The following NSD3 variants were observed in gnomAD, a reference collection of about 807,000 sequenced individuals.
The protein encoded by NSD3 is nuclear receptor binding SET domain protein 3, also known as histone-lysine N-methyltransferase NSD3.
NSD3 carries 24 observed loss-of-function variants against 160.8 expected under a neutral mutation model. The observed-to-expected ratio is 0.15, with a 90% confidence interval of 0.11 to 0.21. NSD3 has a LOEUF of 0.21. Among genes scored for constraint, NSD3 ranks in the 10% least tolerant of loss-of-function variants. The pLI is 1.00. For synonymous variants in NSD3, 520 were observed against 600.0 expected (o/e 0.87, Z 1.95); for missense variants, 1,157 against 1,735.9 (o/e 0.67, Z 5.93).
At position 38,276,478 on chromosome 8, in the gene NSD3, T is replaced by C. The variant is rs2130979744; in HGVS notation, c.3890A>G (p.Glu1297Gly). Residue 1297 changes from glutamate to glycine, a missense_variant, in exon 23 of 24, where the codon GAA (glutamate) becomes GGA (glycine). This residue lies in a region of NSD3 where 222 missense variants were observed against 409.9 expected (regional missense o/e 0.54). Coordinates refer to ENST00000317025, the MANE Select transcript of NSD3 (RefSeq NM_023034.2). ...TAACTTAGCATTTTTTGCCTTCTCTTCATTTGTTGACGCACATGCCGACTG... is the reference window on the plus strand; with the variant it reads ...TAACTTAGCATTTTTTGCCTTCTCTCCATTTGTTGACGCACATGCCGACTG... Reference protein sequence around the residue: ...RPKSACASTNEEKAKNAKLKQ... With the variant: ...RPKSACASTNGEKAKNAKLKQ... The C allele has an allele frequency of 6.2e-7, 1 of 1,614,240 alleles. No homozygotes were observed. Among genetic ancestry groups the C allele is most frequent in the South Asian group, 1.1e-5 (1 of 91,086 alleles).
chr8:38,315,550 T>G lies in NSD3; in HGVS notation c.1987-6A>C, dbSNP rs984140837. ...ACTTGCTTTCCAAAGCCTACCTACA[T>G]AGAAAACATAGCATTTTTAAGAAAA... On this transcript the variant is annotated splice_polypyrimidine_tract_variant and splice_region_variant and intron_variant, in intron 10 of 23. Transcript: ENST00000317025. The G allele has an allele frequency of 1.9e-6, 3 of 1,612,238 alleles. No individual in the cohort carries two copies. The highest frequency in any genetic ancestry group is 2.5e-6 in the Non-Finnish European group (3 of 1,179,538).
chr8:38,317,828 A>C lies in NSD3; in HGVS notation c.1855+1067T>G. On this transcript the variant is annotated intron_variant, in intron 9 of 23. Transcript: ENST00000317025. The surrounding 1 kb of genome is among the most constrained non-coding windows in gnomAD (Gnocchi z 5.3). ...TCTTGAAGAAGAAACCAGGCAGGAA[A>C]ATGCCAATAATGATGATTGGCGAAA... 6.7e-7 allele frequency: 1 copy of C among 1,489,350 alleles called. No homozygotes were observed. The highest frequency in any genetic ancestry group is 8.9e-7 in the Non-Finnish European group (1 of 1,121,084). The allele number at this position is 1,489,350 out of a possible 1,614,324, so 92.3% of individuals were successfully genotyped here. A position where few individuals can be genotyped will look rare whatever the true frequency, so the allele number is the denominator to read the frequency against.
At chr8:38,278,173 C>T (rs547635163) in intron 22 of NSD3, 133 bp downstream of exon 22, 213 of 594,456 alleles carry the variant, frequency 3.6e-4, no homozygotes, top group Non-Finnish European at 5.0e-4. Flanking sequence ...CTCCTGACCT[C>T]GTGATCTGCC....
intron 1 of NSD3, among the ~76,000 whole-genome samples, chr8:38,375,604 A>G (rs1035823279): frequency 1.3e-5 from 2 of 152,098 alleles, no homozygotes; most frequent in African/African-American, 4.8e-5. Context: ...AGGTTAGATA[A>G]TGTTAGTATA....
intron 17 of NSD3, 139 bp downstream of exon 17, chr8:38,290,336 G>T: frequency 1.2e-6 from 1 of 849,808 alleles, no homozygotes; most frequent in Non-Finnish European, 1.9e-6. Context: ...GTTCTAATGT[G>T]ACTGGAAGCT....
At chr8:38,377,196 G>A (rs1011502506) in intron 1 of NSD3, among the ~76,000 whole-genome samples, 1 of 152,102 alleles carries the variant, frequency 6.6e-6, no homozygotes, top group African/African-American at 2.4e-5. Flanking sequence ...GGGATTACAG[G>A]CACGCACCAC....
At chr8:38,363,131 G>A (rs752506574) in intron 1 of NSD3, among the ~76,000 whole-genome samples, 4 of 152,196 alleles carry the variant, frequency 2.6e-5, no homozygotes, top group East Asian at 1.9e-4. Flanking sequence ...AAGGTACTGC[G>A]TACTTCTACA....
chr8:38,329,441 C>G lies in NSD3; in HGVS notation c.1518G>C (p.Val506=). The part of the protein sequence containing the change: ...NMSPVVKIEQ[V]FALQNATGDG... Reference sequence around the variant, plus strand: ...CCCCTGTAGCATTCTGAAGAGCAAACACTTGTTCAATTTTCACAACTGGAG... The same window carrying G: ...CCCCTGTAGCATTCTGAAGAGCAAAGACTTGTTCAATTTTCACAACTGGAG... The change falls in exon 6 of 24, where the codon GTG becomes GTC. Residue 506 remains valine, a synonymous_variant. Coordinates refer to ENST00000317025, the MANE Select transcript of NSD3 (RefSeq NM_023034.2). The surrounding 1 kb of genome is among the most constrained non-coding windows in gnomAD (Gnocchi z 4.8). 1 of 1,614,202 alleles carries G rather than the reference C, an allele frequency of 6.2e-7. No homozygotes were observed. Among genetic ancestry groups the G allele is most frequent in the South Asian group, 1.1e-5 (1 of 91,086 alleles).
At chr8:38,331,651 G>T in intron 4 of NSD3, 66 bp from the exon 5 acceptor site, 2 of 1,556,572 alleles carry the variant, frequency 1.3e-6, no homozygotes, top group Non-Finnish European at 8.7e-7. Flanking sequence ...TGCCAAAAAT[G>T]GGAATCTAAC....
chr8:38,305,575 A>C, intron 12 of NSD3, 130 bp from the exon 13 acceptor site: 1 of 726,136 alleles, frequency 1.4e-6, no homozygotes, highest in East Asian at 3.0e-5. Context: ...TTAATGCACA[A>C]AAAAAATTTA....
intron 1 of NSD3, among the ~76,000 whole-genome samples, chr8:38,363,136 T>C (rs1001825877): frequency 6.6e-6 from 1 of 152,232 alleles, no homozygotes; most frequent in Non-Finnish European, 1.5e-5. Context: ...ACTGCGTACT[T>C]CTACATCTTG....
In NSD3 at chr8:38,270,900, A is replaced by G. The variant is rs1808446430; in HGVS notation, c.*4741T>C. The G allele has an allele frequency of 6.6e-6, 1 of 152,232 alleles. No homozygotes were observed. The highest frequency in any genetic ancestry group is 1.5e-5 in the Non-Finnish European group (1 of 68,046). The allele number at this position is 152,232 out of a possible 1,614,324, so 9.4% of individuals were successfully genotyped here. On this transcript the variant is annotated 3_prime_UTR_variant, in exon 24 of 24. Transcript: ENST00000317025. ...AAGCACCCAAACTTGTCACTTATGC[A>G]ATGGACTGACCAAAACAAAACAAAA...
intron 19 of NSD3, among the ~76,000 whole-genome samples, chr8:38,284,391 CA>C: frequency 6.6e-6 from 1 of 152,264 alleles, no homozygotes; most frequent in African/African-American, 2.4e-5. Context: ...GATGTTAGGG[CA>C]AATTTTCTGT....
At chr8:38,283,670 G>C (rs113837358) in intron 19 of NSD3, among the ~76,000 whole-genome samples, 1 of 152,164 alleles carries the variant, frequency 6.6e-6, no homozygotes. Context: ...GGCATGTGGC[G>C]AGTGAGCTCA....
chr8:38,360,558 C>T (rs558447448), intron 1 of NSD3, among the ~76,000 whole-genome samples: 1 of 152,280 alleles, frequency 6.6e-6, no homozygotes, highest in South Asian at 2.1e-4. Flanking sequence ...TACTACTTTT[C>T]AGCAGTTATA....
intron 1 of NSD3, among the ~76,000 whole-genome samples, chr8:38,355,098 G>C (rs1350638625): frequency 1.3e-5 from 2 of 152,142 alleles, no homozygotes; most frequent in Non-Finnish European, 2.9e-5. Context: ...GACCTTACTA[G>C]ATTAGGGGGC....
chr8:38,304,054 T>C (rs146670907), intron 14 of NSD3, among the ~76,000 whole-genome samples: 181 of 152,348 alleles, frequency 1.2e-3, no homozygotes, highest in East Asian at 7.9e-3. Flanking sequence ...AAAGCCCACA[T>C]GGCTGGCTCT....
chr8:38,329,919 A>G lies in NSD3; in HGVS notation c.1066-26T>C. The G allele has an allele frequency of 1.9e-6, 3 of 1,540,840 alleles. No homozygotes were observed. The highest frequency in any genetic ancestry group is 2.6e-6 in the Non-Finnish European group (3 of 1,153,074). ...CTTTAAAAAAGATAGAGATTATCAG[A>G]CATGCTTTACTCTAATAGGTACATT... On this transcript the variant is annotated intron_variant, in intron 5 of 23. Transcript: ENST00000317025. The surrounding 1 kb of genome is among the most constrained non-coding windows in gnomAD (Gnocchi z 4.8).
At chr8:38,339,008 C>T (rs1301760811) in intron 2 of NSD3, among the ~76,000 whole-genome samples, 3 of 151,874 alleles carry the variant, frequency 2.0e-5, no homozygotes, top group East Asian at 3.9e-4. Context: ...GGCATGGTGG[C>T]GCATGCCTGT....
Sources: gnomAD v4.1 joint callset for allele counts (sites outside exome capture counted in the v4.1 genomes callset) on GRCh38, gnomAD v4.1.1 for gene constraint, gnomAD v4.1.1 regional missense constraint, Gnocchi (gnomAD v3.1) non-coding constraint, MANE v1.5 for transcripts, NCBI Gene and HGNC (gene_info 2026-07-23, HGNC 2026-07-21) for gene names.